Variants in ERCC8 observed in about 807,000 individuals in gnomAD.
ERCC8 encodes ERCC excision repair 8, CSA ubiquitin ligase complex subunit, also known as DNA excision repair protein ERCC-8.
A neutral mutation model predicts 54.9 loss-of-function variants in ERCC8; 52 were observed. The observed-to-expected ratio is 0.95, with a 90% CI of 0.76 to 1.19. ERCC8 has a LOEUF of 1.19. ERCC8 is among the 50% of genes most tolerant of loss of function. ERCC8 has a pLI of 0.00. For synonymous variants in ERCC8, 146 were observed against 157.2 expected, an observed-to-expected ratio of 0.93 and a Z score of 0.53; for missense variants, 514 against 466.1, an observed-to-expected ratio of 1.10 and a Z score of -0.95.
chr5:60,934,474 G>A (rs756854640), intron 1 of ERCC8, among the ~76,000 whole-genome samples: 12 of 152,172 alleles, frequency 7.9e-5, no homozygotes, highest in Non-Finnish European at 1.5e-4. Flanking sequence ...CTGGATATTA[G>A]TCCTCTGTTG....
chr5:60,923,748 G>C (rs894339677), intron 2 of ERCC8, among the ~76,000 whole-genome samples: 1 of 151,954 alleles, frequency 6.6e-6, no homozygotes, highest in Non-Finnish European at 1.5e-5. Context: ...TAGACATTGT[G>C]AATGTTATTC....
chr5:60,942,876 C>T (rs776223191), intron 1 of ERCC8, among the ~76,000 whole-genome samples: 1 of 152,118 alleles, frequency 6.6e-6, no homozygotes, highest in Non-Finnish European at 1.5e-5. Context: ...CATCCTTTTG[C>T]TCTTACATGA....
At chr5:60,936,938 G>A (rs1471724344) in intron 1 of ERCC8, among the ~76,000 whole-genome samples, 1 of 152,212 alleles carries the variant, frequency 6.6e-6, no homozygotes, top group Admixed American at 6.5e-5. Context: ...CTCAAGGGCT[G>A]CTCTGCAGAT....
At chr5:60,906,198 G>A (rs1749065150) in intron 4 of ERCC8, among the ~76,000 whole-genome samples, 1 of 152,050 alleles carries the variant, frequency 6.6e-6, no homozygotes. Flanking sequence ...TATGAGACTG[G>A]CTAATTTTTG....
At chr5:60,875,263 T>C (rs1251797752) in intron 11 of ERCC8, among the ~76,000 whole-genome samples, 1 of 152,242 alleles carries the variant, frequency 6.6e-6, no homozygotes, top group Non-Finnish European at 1.5e-5. Context: ...TGATATTTAA[T>C]TACTTATTTT....
intron 11 of ERCC8, among the ~76,000 whole-genome samples, chr5:60,880,940 C>G (rs569463377): frequency 5.8e-4 from 88 of 152,276 alleles, no homozygotes; most frequent in African/African-American, 2.0e-3. Flanking sequence ...GAGAGGTGCT[C>G]TGACTTTTAG....
At chr5:60,878,665 G>A (rs974764002) in intron 11 of ERCC8, among the ~76,000 whole-genome samples, 10 of 152,176 alleles carry the variant, frequency 6.6e-5, no homozygotes, top group Admixed American at 1.3e-4. Context: ...GCATAGAGGT[G>A]TTTATAGTAT....
At chr5:60,931,191 G>A (rs942539358) in intron 1 of ERCC8, among the ~76,000 whole-genome samples, 1 of 152,064 alleles carries the variant, frequency 6.6e-6, no homozygotes, top group Non-Finnish European at 1.5e-5. Context: ...AGTCCCAGGA[G>A]TGGTGATTAT....
chr5:60,881,017 G>T (rs957592039), intron 11 of ERCC8, among the ~76,000 whole-genome samples: 2 of 152,064 alleles, frequency 1.3e-5, no homozygotes, highest in Admixed American at 1.3e-4. Flanking sequence ...GGTCTTTGAT[G>T]ATGGTGACGT....
chr5:60,937,409 C>T (rs894745507), intron 1 of ERCC8, among the ~76,000 whole-genome samples: 1 of 152,072 alleles, frequency 6.6e-6, no homozygotes, highest in African/African-American at 2.4e-5. Flanking sequence ...AGAGAAAAAC[C>T]ATCAGGTGGG....
chr5:60,922,511 A>G (rs893050308), intron 2 of ERCC8, among the ~76,000 whole-genome samples: 1 of 152,102 alleles, frequency 6.6e-6, no homozygotes, highest in Non-Finnish European at 1.5e-5. Context: ...AAAAGGAATT[A>G]GACAAACCAA....
At chr5:60,899,178 A>G (rs73759437) in intron 8 of ERCC8, among the ~76,000 whole-genome samples, 3,030 of 152,020 alleles carry the variant, frequency 0.02, 118 homozygotes, top group African/African-American at 0.069. Context: ...AAATTTCTAC[A>G]CAGGAATTAA....
chr5:60,892,496 C>T (rs1446626959), intron 9 of ERCC8: 3 of 584,678 alleles, frequency 5.1e-6, no homozygotes, highest in Non-Finnish European at 1.0e-5. Context: ...TCTTCCCGCT[C>T]ACCCAGTCAG....
At chr5:60,876,131 T>C (rs560508008) in intron 11 of ERCC8, among the ~76,000 whole-genome samples, 1 of 152,236 alleles carries the variant, frequency 6.6e-6, no homozygotes, top group South Asian at 2.1e-4. Context: ...TTGGCGGTGT[T>C]TGGGTTTTTG....
chr5:60,918,482 G>A lies in ERCC8; in HGVS notation c.276-94C>T, dbSNP rs546403769. 1.7e-3 allele frequency: 1,903 copies of A among 1,092,544 alleles called. 8 individuals are homozygous for A. Among genetic ancestry groups the A allele is most frequent in the Non-Finnish European group, 2.2e-3 (1,579 of 725,966 alleles). 67.7% of individuals were successfully genotyped at this position (1,092,544 alleles called of 1,614,324 possible). ...AACAAGTAGTAGTCTCAGGTAGGAT[G>A]ATATGAATGGCCAAACCGAGATCAC... On this transcript the variant is annotated intron_variant, in intron 3 of 11. Transcript: ENST00000676185.
At chr5:60,935,432 T>C (rs1750036000) in intron 1 of ERCC8, among the ~76,000 whole-genome samples, 1 of 152,204 alleles carries the variant, frequency 6.6e-6, no homozygotes, top group South Asian at 2.1e-4. Context: ...CTAGGAGCTT[T>C]TTGGATGAGT....
At chr5:60,908,158 G>GT (rs1399893055) in intron 4 of ERCC8, among the ~76,000 whole-genome samples, 5 of 150,406 alleles carry the variant, frequency 3.3e-5, no homozygotes, top group Non-Finnish European at 7.4e-5. Context: ...CCACTTGTAT[G>GT]TTATGGGTTA....
At chr5:60,893,188 G>C in intron 9 of ERCC8, 2 of 967,682 alleles carry the variant, frequency 2.1e-6, no homozygotes, top group South Asian at 1.3e-5. Context: ...AGGACTTCCA[G>C]AATCACATCA....
In ERCC8 at chr5:60,890,988, G is replaced by A. The variant is rs760761028; in HGVS notation, c.942C>T (p.Ser314=). Reference sequence around the variant, plus strand: ...AGTAAACTGTATAAACAGCAATGGTGCTACCATATGGTACAAAAACAAATT... The same window carrying A: ...AGTAAACTGTATAAACAGCAATGGTACTACCATATGGTACAAAAACAAATT... ...SSEFVFVPYG[S]TIAVYTVYSG... The change falls in exon 10 of 12, where the codon AGC becomes AGT. Residue 314 remains serine (S), a synonymous_variant. Transcript: ENST00000676185. 5 of 1,612,380 alleles carry A rather than the reference G, an allele frequency of 3.1e-6. No individual in the cohort carries two copies. Among genetic ancestry groups the A allele is most frequent in the Admixed American group, 3.3e-5 (2 of 60,008 alleles).
Sources: allele counts gnomAD v4.1 joint callset (sites outside exome capture counted in the v4.1 genomes callset), GRCh38; gene constraint gnomAD v4.1.1; transcripts MANE v1.5; gene names NCBI Gene and HGNC (gene_info 2026-07-23, HGNC 2026-07-21).